Variants in PDE7B observed in about 807,000 individuals in gnomAD.
PDE7B encodes the protein 3',5'-cyclic-AMP phosphodiesterase 7B.
PDE7B carries 29 observed loss-of-function variants against 56.2 expected under a neutral mutation model. The observed-to-expected ratio is 0.52, with a 90% CI of 0.38 to 0.70. The LOEUF (loss-of-function observed/expected upper bound fraction) is 0.70. PDE7B is among the 30% of genes least tolerant of loss of function. The probability of loss-of-function intolerance (pLI) is 0.00; values close to 1 mark genes in which losing one functional copy is unlikely to be tolerated. For missense variants in PDE7B, 490 were observed against 565.0 expected (o/e 0.87, Z 1.35); for synonymous variants, 197 against 196.9 (o/e 1.00, Z 0.00).
chr6:136,071,049 C>G (rs577582904), intron 2 of PDE7B: 1 of 152,196 alleles, frequency 6.6e-6, no homozygotes, highest in East Asian at 1.9e-4. Context: ...ACGCCTGGAC[C>G]AAGAAGCTCC....
At chr6:136,134,998 A>G (rs1778188445) in intron 3 of PDE7B, among the ~76,000 whole-genome samples, 1 of 151,932 alleles carries the variant, frequency 6.6e-6, no homozygotes, top group East Asian at 1.9e-4. Context: ...AGAGTGAGAG[A>G]AACAATTTCA....
intron 2 of PDE7B, among the ~76,000 whole-genome samples, chr6:136,085,734 C>A (rs1055938689): frequency 2.0e-5 from 3 of 152,196 alleles, no homozygotes; most frequent in Non-Finnish European, 4.4e-5. Flanking sequence ...GAAGCTCTCA[C>A]CCATTGTCCA....
intron 8 of PDE7B, among the ~76,000 whole-genome samples, chr6:136,169,998 C>G (rs1288163365): frequency 6.6e-6 from 1 of 152,126 alleles, no homozygotes; most frequent in African/African-American, 2.4e-5. Context: ...ATGAAACTTA[C>G]CTCATAACAA....
At chr6:136,084,272 C>A (rs144692228) in intron 2 of PDE7B, among the ~76,000 whole-genome samples, 31 of 152,322 alleles carry the variant, frequency 2.0e-4, no homozygotes, top group African/African-American at 6.5e-4. Context: ...TTCCCTGACA[C>A]AGGATGGCCA....
chr6:136,021,325 GTGTT>G (rs967539360), intron 2 of PDE7B, among the ~76,000 whole-genome samples: 2 of 152,182 alleles, frequency 1.3e-5, no homozygotes, highest in African/African-American at 4.8e-5. Context: ...GCCGATCCAT[GTGTT>G]TGTTCTAAAA....
In PDE7B at chr6:136,160,627, G is replaced by A. The variant is rs74428552; in HGVS notation, c.711+4869G>A. On this transcript the variant is annotated intron_variant, in intron 8 of 12. Transcript: ENST00000308191. ...ACTATGAAGACAGAAAGAGTTTCCT[G>A]AAACTCAAATCTGACCACATCGATT... 5.7e-4 allele frequency among the ~76,000 whole-genome samples: 86 copies of A among 152,190 alleles called. No homozygotes were observed. The East Asian group carries it at 0.014, about 24-fold the overall frequency.
chr6:136,030,120 A>G (rs2128208922), intron 2 of PDE7B, among the ~76,000 whole-genome samples: 1 of 152,132 alleles, frequency 6.6e-6, no homozygotes, highest in South Asian at 2.1e-4. Flanking sequence ...GTTCATAACC[A>G]TAGCAAAGCA....
chr6:135,967,360 A>G (rs990255864), intron 2 of PDE7B, among the ~76,000 whole-genome samples: 1 of 152,212 alleles, frequency 6.6e-6, no homozygotes, highest in African/African-American at 2.4e-5. Context: ...AAAAAAATCA[A>G]CTGTCTATGC....
At chr6:136,112,949 T>C (rs1777772393) in intron 3 of PDE7B, among the ~76,000 whole-genome samples, 1 of 152,158 alleles carries the variant, frequency 6.6e-6, no homozygotes, top group Non-Finnish European at 1.5e-5. Flanking sequence ...AATAGTGCCA[T>C]TTTTCATTCC....
chr6:136,144,645 T>C (rs894216212), intron 3 of PDE7B, among the ~76,000 whole-genome samples: 1 of 152,166 alleles, frequency 6.6e-6, no homozygotes, highest in Non-Finnish European at 1.5e-5. Context: ...GGGTCATGCA[T>C]TGCATTTAGT....
chr6:135,981,118 G>A (rs1223908087), intron 2 of PDE7B, among the ~76,000 whole-genome samples: 1 of 151,534 alleles, frequency 6.6e-6, no homozygotes, highest in Non-Finnish European at 1.5e-5. Flanking sequence ...AAAATGATGA[G>A]TTCATGTCCT....
chr6:136,071,938 T>C (rs1777055922), intron 2 of PDE7B, among the ~76,000 whole-genome samples: 1 of 152,244 alleles, frequency 6.6e-6, no homozygotes, highest in Non-Finnish European at 1.5e-5. Flanking sequence ...TTTTTTTCCT[T>C]CAGTTAGTCA....
intron 1 of PDE7B, among the ~76,000 whole-genome samples, chr6:135,856,875 A>G (rs1775039396): frequency 6.6e-6 from 1 of 152,208 alleles, no homozygotes; most frequent in Non-Finnish European, 1.5e-5. Flanking sequence ...TATACAGTAT[A>G]GAAGTATGAA....
chr6:136,013,540 TG>T (rs1396050729), intron 2 of PDE7B, among the ~76,000 whole-genome samples: 1 of 152,182 alleles, frequency 6.6e-6, no homozygotes, highest in East Asian at 1.9e-4. Flanking sequence ...GAATGTGGGG[TG>T]GCCACAGTAG....
At chr6:135,963,276 A>G (rs1298250931) in intron 2 of PDE7B, among the ~76,000 whole-genome samples, 1 of 152,202 alleles carries the variant, frequency 6.6e-6, no homozygotes, top group Non-Finnish European at 1.5e-5. Context: ...ACAAAAGGCA[A>G]TTGCACATTT....
intron 3 of PDE7B, among the ~76,000 whole-genome samples, chr6:136,125,430 G>A (rs993167031): frequency 3.9e-5 from 6 of 151,994 alleles, no homozygotes; most frequent in African/African-American, 1.5e-4. Flanking sequence ...CAGGCATGGT[G>A]GTGCACACAT....
chr6:136,128,972 G>T (rs1004906652), intron 3 of PDE7B, among the ~76,000 whole-genome samples: 1 of 152,062 alleles, frequency 6.6e-6, no homozygotes, highest in Non-Finnish European at 1.5e-5. Flanking sequence ...CCTTCCATCA[G>T]AACTTATCCA....
chr6:136,070,003 T>C (rs1176070770), intron 2 of PDE7B, among the ~76,000 whole-genome samples: 1 of 152,012 alleles, frequency 6.6e-6, no homozygotes, highest in African/African-American at 2.4e-5. Context: ...CTGATAAATA[T>C]CAAAAAATTA....
chr6:136,007,527 A>T (rs970470634), intron 2 of PDE7B, among the ~76,000 whole-genome samples: 4 of 152,056 alleles, frequency 2.6e-5, no homozygotes, highest in Non-Finnish European at 5.9e-5. Flanking sequence ...AAGTTACTTA[A>T]TCTCTCCTAA....
Sources: allele counts gnomAD v4.1 joint callset (sites outside exome capture counted in the v4.1 genomes callset), GRCh38; gene constraint gnomAD v4.1.1; transcripts MANE v1.5; gene names NCBI Gene and HGNC (gene_info 2026-07-23, HGNC 2026-07-21).